The following REC114 variants were observed in gnomAD, a reference collection of about 807,000 sequenced individuals.
The protein encoded by REC114 is meiotic recombination protein REC114.
In REC114, 27 loss-of-function variants were observed where a neutral mutation model predicts 31.3. The ratio of observed to expected loss-of-function variants is 0.86; its 90% CI spans 0.64 to 1.19. The LOEUF (loss-of-function observed/expected upper bound fraction) is 1.19. Among genes scored for constraint, REC114 ranks in the 50% most tolerant of loss-of-function variants. The pLI is 0.00. For synonymous variants in REC114, 134 were observed against 127.7 expected, an observed-to-expected ratio of 1.05 and a Z score of -0.33; for missense variants, 344 against 326.9, an observed-to-expected ratio of 1.05 and a Z score of -0.40.
At chr15:73,519,035 T>C (rs1352324250) in intron 2 of REC114, among the ~76,000 whole-genome samples, 1 of 152,270 alleles carries the variant, frequency 6.6e-6, no homozygotes, top group East Asian at 1.9e-4. Flanking sequence ...CAATGAATTA[T>C]CACCTCACAC....
intron 3 of REC114, among the ~76,000 whole-genome samples, chr15:73,547,060 A>G (rs1193348472): frequency 6.6e-6 from 1 of 152,122 alleles, no homozygotes; most frequent in African/African-American, 2.4e-5. Flanking sequence ...AAAATGGACA[A>G]AGGGGATCAC....
intron 2 of REC114, among the ~76,000 whole-genome samples, chr15:73,492,547 A>G (rs1455272063): frequency 2.6e-5 from 4 of 152,204 alleles, no homozygotes; most frequent in African/African-American, 9.6e-5. Flanking sequence ...TCAAACATTA[A>G]CATGCATATG....
chr15:73,524,253 A>T (rs1567888696), intron 2 of REC114, among the ~76,000 whole-genome samples: 1 of 152,198 alleles, frequency 6.6e-6, no homozygotes. Flanking sequence ...GAAGAGTGAA[A>T]TCAATGATGC....
intron 2 of REC114, among the ~76,000 whole-genome samples, chr15:73,526,582 A>T (rs1894011551): frequency 6.6e-6 from 1 of 152,160 alleles, no homozygotes; most frequent in Admixed American, 6.5e-5. Context: ...GAAACTTAAC[A>T]ATAGTGTACT....
intron 2 of REC114, among the ~76,000 whole-genome samples, chr15:73,526,999 A>C (rs1894017910): frequency 6.6e-6 from 1 of 151,982 alleles, no homozygotes; most frequent in Admixed American, 6.6e-5. Context: ...TTAAATAGAG[A>C]TAGGGTCTCA....
At chr15:73,501,643 T>C (rs1290009274) in intron 2 of REC114, among the ~76,000 whole-genome samples, 1 of 152,050 alleles carries the variant, frequency 6.6e-6, no homozygotes, top group African/African-American at 2.4e-5. Flanking sequence ...TGGGGTTTCG[T>C]CATGTTGGCC....
At chr15:73,524,202 GA>G (rs1893976357) in intron 2 of REC114, among the ~76,000 whole-genome samples, 1 of 152,154 alleles carries the variant, frequency 6.6e-6, no homozygotes, top group Admixed American at 6.5e-5. Flanking sequence ...TAAAATTGAA[GA>G]AAGAACAAAC....
At chr15:73,462,372 AT>A (rs1893000939) in intron 1 of REC114, among the ~76,000 whole-genome samples, 1 of 152,034 alleles carries the variant, frequency 6.6e-6, no homozygotes, top group African/African-American at 2.4e-5. Context: ...AGGTGTTATG[AT>A]ATTGGAATGT....
intron 1 of REC114, among the ~76,000 whole-genome samples, chr15:73,456,479 A>T (rs1467753077): frequency 5.3e-5 from 8 of 152,142 alleles, no homozygotes; most frequent in Non-Finnish European, 1.2e-4. Context: ...AACATAAGAT[A>T]TATTTTGGAT....
chr15:73,541,957 T>G (rs1317407812), intron 3 of REC114, among the ~76,000 whole-genome samples: 1 of 152,136 alleles, frequency 6.6e-6, no homozygotes, highest in African/African-American at 2.4e-5. Context: ...ACTATATCAG[T>G]TAGGATTGTG....
intron 3 of REC114, among the ~76,000 whole-genome samples, chr15:73,550,255 G>C (rs1042349117): frequency 6.6e-6 from 1 of 152,158 alleles, no homozygotes; most frequent in African/African-American, 2.4e-5. Flanking sequence ...TTTTATACTT[G>C]TAATCAAATA....
chr15:73,479,446 ATATT>A lies in REC114; in HGVS notation c.249+5528_249+5531del, dbSNP rs539318537. ...ACCATTTTATATATGTATGGTGAGA[ATATT>A]TAAGATCTATTCTAGCAGATTTCAA... On this transcript the variant is annotated intron_variant, in intron 2 of 5. Transcript: ENST00000331090. Among the ~76,000 whole-genome samples the A allele has an allele frequency of 5.4e-4, 82 of 152,170 alleles. 2 individuals are homozygous for A. The South Asian group carries it at 0.016, about 30-fold the overall frequency.
At chr15:73,484,204 C>T (rs1595866922) in intron 2 of REC114, among the ~76,000 whole-genome samples, 1 of 147,722 alleles carries the variant, frequency 6.8e-6, no homozygotes, top group African/African-American at 2.5e-5. Flanking sequence ...ACTCCTGTTT[C>T]TTCTTTCAGC....
intron 2 of REC114, among the ~76,000 whole-genome samples, chr15:73,497,187 C>T (rs1567872350): frequency 6.6e-6 from 1 of 152,076 alleles, no homozygotes. Flanking sequence ...TATGAAAATA[C>T]CTTCTTTCTC....
At chr15:73,481,895 G>C (rs1269148754) in intron 2 of REC114, among the ~76,000 whole-genome samples, 1 of 151,978 alleles carries the variant, frequency 6.6e-6, no homozygotes, top group Non-Finnish European at 1.5e-5. Context: ...TCCTGAGCTT[G>C]TGATCTGCCC....
At chr15:73,529,848 C>T (rs1191980742) in intron 2 of REC114, among the ~76,000 whole-genome samples, 1 of 152,158 alleles carries the variant, frequency 6.6e-6, no homozygotes, top group East Asian at 1.9e-4. Flanking sequence ...GACCATTTGA[C>T]TTTGATCTGT....
chr15:73,457,316 C>G (rs1382241494), intron 1 of REC114, among the ~76,000 whole-genome samples: 2 of 152,044 alleles, frequency 1.3e-5, no homozygotes, highest in Admixed American at 1.3e-4. Context: ...TGGTCCTTTC[C>G]CCACCCTCTG....
At chr15:73,477,529 A>G (rs1401549869) in intron 2 of REC114, among the ~76,000 whole-genome samples, 1 of 152,012 alleles carries the variant, frequency 6.6e-6, no homozygotes, top group African/African-American at 2.4e-5. Flanking sequence ...TAGTCCTCCC[A>G]TCTCAGCCTC....
At chr15:73,460,620 A>G (rs1022566026) in intron 1 of REC114, among the ~76,000 whole-genome samples, 1 of 152,194 alleles carries the variant, frequency 6.6e-6, no homozygotes, top group Admixed American at 6.5e-5. Flanking sequence ...ACCAAAGGTG[A>G]GTGAGAGTTG....
Sources: gnomAD v4.1 joint callset for allele counts (sites outside exome capture counted in the v4.1 genomes callset) on GRCh38, gnomAD v4.1.1 for gene constraint, MANE v1.5 for transcripts, NCBI Gene and HGNC (gene_info 2026-07-23, HGNC 2026-07-21) for gene names.